ZFAND3: variants seen among roughly 807,000 people sequenced by gnomAD.
ZFAND3 encodes AN1-type zinc finger protein 3.
ZFAND3 carries 10 observed loss-of-function variants against 29.6 expected under a neutral mutation model. The observed-to-expected ratio is 0.34, with a 90% CI of 0.21 to 0.57. The LOEUF (loss-of-function observed/expected upper bound fraction) is 0.57. ZFAND3 is among the 20% of genes least tolerant of loss of function. The pLI, the probability that ZFAND3 is intolerant of heterozygous loss-of-function variation, is 0.86. For missense variants in ZFAND3, 230 were observed against 304.5 expected (o/e 0.76, Z 1.82); for synonymous variants, 128 against 112.6 (o/e 1.14, Z -0.87).
chr6:38,045,621 CAA>C lies in ZFAND3; in HGVS notation c.113-15970_113-15969del, dbSNP rs551401470. 3.1e-3 allele frequency among the ~76,000 whole-genome samples: 469 copies of C among 152,156 alleles called. 2 individuals carry two copies. Among genetic ancestry groups the C allele is most frequent in the African/African-American group, 0.011 (446 of 41,502 alleles). On this transcript the variant is annotated intron_variant, in intron 2 of 5. Transcript: ENST00000287218. ...ATACAGATATAAATATATATTATCT[CAA>C]ATGTTTATGAAATCTCCCACATAAA...
chr6:37,971,011 G>T, intron 2 of ZFAND3, among the ~76,000 whole-genome samples: 1 of 152,202 alleles, frequency 6.6e-6, no homozygotes, highest in East Asian at 1.9e-4. Flanking sequence ...GATGATCCTT[G>T]TTGAAAATTT....
chr6:37,931,064 C>T (rs1761585125), intron 2 of ZFAND3, among the ~76,000 whole-genome samples: 1 of 152,108 alleles, frequency 6.6e-6, no homozygotes, highest in Admixed American at 6.5e-5. Flanking sequence ...GTGATTAGGC[C>T]AGCTGTGCCT....
At chr6:37,972,042 A>G (rs968438656) in intron 2 of ZFAND3, among the ~76,000 whole-genome samples, 3 of 151,002 alleles carry the variant, frequency 2.0e-5, no homozygotes, top group Admixed American at 1.3e-4. Context: ...CATAGGAGGG[A>G]AAGAAAAAAA....
chr6:37,868,878 A>G (rs77913865), intron 1 of ZFAND3, among the ~76,000 whole-genome samples: 10,617 of 152,122 alleles, frequency 0.07, 466 homozygotes, highest in Non-Finnish European at 0.1. Context: ...ATATTCGTCT[A>G]TTTTTCTGGA....
chr6:38,048,344 G>A (rs550321853), intron 2 of ZFAND3, among the ~76,000 whole-genome samples: 8 of 151,812 alleles, frequency 5.3e-5, no homozygotes, highest in Non-Finnish European at 8.8e-5. Flanking sequence ...TATTCAGGCC[G>A]GGCGCGGTGG....
chr6:37,855,220 C>T (rs565004580), intron 1 of ZFAND3, among the ~76,000 whole-genome samples: 1 of 150,774 alleles, frequency 6.6e-6, no homozygotes, highest in East Asian at 1.9e-4. Flanking sequence ...TCTCGTCTCA[C>T]GGCAGCCTCC....
intron 5 of ZFAND3, among the ~76,000 whole-genome samples, chr6:38,127,872 C>T (rs144864053): frequency 8.5e-5 from 13 of 152,306 alleles, no homozygotes; most frequent in Non-Finnish European, 1.8e-4. Context: ...TCCCTTCCTT[C>T]AGCTTAGGTT....
At chr6:37,912,392 G>A (rs1180495638) in intron 1 of ZFAND3, among the ~76,000 whole-genome samples, 2 of 152,192 alleles carry the variant, frequency 1.3e-5, no homozygotes, top group African/African-American at 4.8e-5. Context: ...GTTCAGGAAA[G>A]TTGGCGAATA....
intron 1 of ZFAND3, among the ~76,000 whole-genome samples, chr6:37,840,585 G>T (rs1402705293): frequency 9.2e-5 from 14 of 152,292 alleles, no homozygotes; most frequent in African/African-American, 3.1e-4. Flanking sequence ...CAGCTTGTCA[G>T]CTTGATCAGC....
intron 5 of ZFAND3, among the ~76,000 whole-genome samples, chr6:38,144,205 A>AT (rs1766040799): frequency 9.0e-5 from 4 of 44,346 alleles, no homozygotes; most frequent in African/African-American, 3.6e-4. Flanking sequence ...ATATATATAT[A>AT]TATATAATAT....
At chr6:37,914,824 G>T (rs1761208660) in intron 1 of ZFAND3, among the ~76,000 whole-genome samples, 4 of 151,718 alleles carry the variant, frequency 2.6e-5, no homozygotes, top group Admixed American at 1.3e-4. Context: ...AATTCTTAAG[G>T]GCCCTAGGAT....
intron 5 of ZFAND3, among the ~76,000 whole-genome samples, chr6:38,133,317 G>C (rs1765778199): frequency 6.6e-6 from 1 of 152,232 alleles, no homozygotes; most frequent in Admixed American, 6.5e-5. Flanking sequence ...CACATTAATA[G>C]ACACTTGAAT....
At chr6:37,990,403 C>A (rs1300425683) in intron 2 of ZFAND3, among the ~76,000 whole-genome samples, 1 of 152,118 alleles carries the variant, frequency 6.6e-6, no homozygotes, top group Non-Finnish European at 1.5e-5. Flanking sequence ...TTCCTAGAGC[C>A]ACTGTGAAGA....
chr6:37,996,955 C>T (rs1462813412), intron 2 of ZFAND3, among the ~76,000 whole-genome samples: 8 of 152,102 alleles, frequency 5.3e-5, no homozygotes, highest in African/African-American at 1.9e-4. Context: ...TGAACATTTT[C>T]TGCATAGCAT....
intron 1 of ZFAND3, among the ~76,000 whole-genome samples, chr6:37,881,050 A>T (rs1377456721): frequency 3.3e-5 from 5 of 151,116 alleles, no homozygotes; most frequent in African/African-American, 1.2e-4. Context: ...GCTGATTATG[A>T]TAGTCTTTAT....
intron 2 of ZFAND3, among the ~76,000 whole-genome samples, chr6:38,049,090 TTG>T (rs1266050176): frequency 2.0e-5 from 3 of 152,206 alleles, no homozygotes; most frequent in Admixed American, 2.0e-4. Context: ...GCACTCCCTG[TTG>T]TGTTAGGCCA....
chr6:38,135,071 C>T (rs1004266840), intron 5 of ZFAND3, among the ~76,000 whole-genome samples: 1 of 152,118 alleles, frequency 6.6e-6, no homozygotes, highest in South Asian at 2.1e-4. Context: ...CTCTCGAAGT[C>T]GTGTTGCTTA....
chr6:37,990,826 C>G (rs1464032468), intron 2 of ZFAND3, among the ~76,000 whole-genome samples: 2 of 152,192 alleles, frequency 1.3e-5, no homozygotes, highest in African/African-American at 2.4e-5. Flanking sequence ...ACCAGTTTAA[C>G]CAGCACTCTT....
intron 2 of ZFAND3, among the ~76,000 whole-genome samples, chr6:38,048,179 T>A (rs1002394151): frequency 1.3e-5 from 2 of 151,900 alleles, no homozygotes; most frequent in Admixed American, 1.3e-4. Context: ...CCAATTTTTG[T>A]ATTTTATGTA....
Sources: allele counts gnomAD v4.1 joint callset (sites outside exome capture counted in the v4.1 genomes callset), GRCh38; gene constraint gnomAD v4.1.1; transcripts MANE v1.5; gene names NCBI Gene and HGNC (gene_info 2026-07-23, HGNC 2026-07-21).